The following VWA3B variants were observed in gnomAD, a reference collection of about 807,000 sequenced individuals.
VWA3B encodes von Willebrand factor A domain containing 3B, also known as von Willebrand factor A domain-containing protein 3B.
In VWA3B, 138 loss-of-function variants were observed where a neutral mutation model predicts 158.3. The observed-to-expected ratio is 0.87, with a 90% CI of 0.76 to 1.00. The LOEUF (loss-of-function observed/expected upper bound fraction) is 1.00, where lower values mean the gene tolerates loss of function less well. VWA3B is among the 50% of genes least tolerant of loss of function. The probability of loss-of-function intolerance (pLI) is 0.00; values close to 1 mark genes in which losing one functional copy is unlikely to be tolerated. For synonymous variants in VWA3B, 596 were observed against 587.3 expected (o/e 1.01, Z -0.21); for missense variants, 1,555 against 1,565.1 (o/e 0.99, Z 0.11).
intron 7 of VWA3B, among the ~76,000 whole-genome samples, chr2:98,149,790 C>T (rs1474407414): frequency 6.6e-6 from 1 of 152,156 alleles, no homozygotes; most frequent in Non-Finnish European, 1.5e-5. Context: ...TCCCCCGCCT[C>T]ATTATCAATT....
chr2:98,213,055 G>A (rs1683672372), intron 13 of VWA3B, among the ~76,000 whole-genome samples: 1 of 152,188 alleles, frequency 6.6e-6, no homozygotes, highest in Non-Finnish European at 1.5e-5. Context: ...CAGATGGAGG[G>A]AAGGTCAGGG....
At chr2:98,303,533 A>T (rs1033633159) in intron 25 of VWA3B, among the ~76,000 whole-genome samples, 169 bp from the exon 26 acceptor site, 4 of 152,100 alleles carry the variant, frequency 2.6e-5, no homozygotes, top group African/African-American at 9.7e-5. Context: ...ACTTTTATTC[A>T]GCAAATAATT....
intron 21 of VWA3B, among the ~76,000 whole-genome samples, chr2:98,267,469 T>C (rs1300112823): frequency 6.6e-6 from 1 of 151,870 alleles, no homozygotes; most frequent in African/African-American, 2.4e-5. Flanking sequence ...AAGGCAGAAA[T>C]AAAGATGTTC....
At position 98,236,780 on chromosome 2, in the gene VWA3B, C is replaced by T; in HGVS notation, c.2673+50C>T. The T allele has an allele frequency of 2.6e-6, 4 of 1,559,036 alleles. No homozygotes were observed. The Middle Eastern group carries it at 5.2e-4, about 201-fold the overall frequency. On this transcript the variant is annotated intron_variant, in intron 19 of 27. Coordinates refer to ENST00000477737, the MANE Select transcript of VWA3B (RefSeq NM_144992.5). ...TACTTGAGGCCATTTTCATTTTCTG[C>T]TCAAATAAAAAGTAGTCCAATTTCT...
chr2:98,188,854 T>C (rs749162135), intron 10 of VWA3B, among the ~76,000 whole-genome samples: 3 of 152,186 alleles, frequency 2.0e-5, no homozygotes, highest in Non-Finnish European at 2.9e-5. Context: ...TTGATGCCAG[T>C]GCAGTTTATT....
chr2:98,124,706 G>A (rs991172008), intron 5 of VWA3B, among the ~76,000 whole-genome samples: 2 of 152,218 alleles, frequency 1.3e-5, no homozygotes, highest in African/African-American at 2.4e-5. Context: ...TCTTTGAAGA[G>A]TGAAGATTTT....
At chr2:98,242,243 G>C (rs758368798) in intron 19 of VWA3B, 2 of 456,150 alleles carry the variant, frequency 4.4e-6, no homozygotes, top group South Asian at 3.1e-5. Context: ...ACACAATGCT[G>C]TTTTGGTTTT....
intron 21 of VWA3B, 43 bp from the exon 22 acceptor site, chr2:98,270,639 T>C (rs1384317173): frequency 6.3e-7 from 1 of 1,575,746 alleles, no homozygotes; most frequent in Non-Finnish European, 8.6e-7. Flanking sequence ...TCTTTGCTTT[T>C]TGTTTCTTCC....
chr2:98,123,090 G>A (rs1368352238), intron 5 of VWA3B, among the ~76,000 whole-genome samples: 1 of 152,194 alleles, frequency 6.6e-6, no homozygotes, highest in Non-Finnish European at 1.5e-5. Flanking sequence ...ACATGTGTGT[G>A]TGGCAGGGGG....
chr2:98,177,034 T>C (rs922465733), intron 8 of VWA3B, among the ~76,000 whole-genome samples: 3 of 152,200 alleles, frequency 2.0e-5, no homozygotes, highest in Admixed American at 1.3e-4. Flanking sequence ...AGAGTTATGG[T>C]GGTGAGAAAT....
At chr2:98,267,883 A>G (rs1178034851) in intron 21 of VWA3B, among the ~76,000 whole-genome samples, 3 of 152,196 alleles carry the variant, frequency 2.0e-5, no homozygotes, top group African/African-American at 7.2e-5. Context: ...ACAGAAATAC[A>G]AACTACCATC....
chr2:98,211,166 C>G (rs1308817703), intron 12 of VWA3B, among the ~76,000 whole-genome samples: 1 of 152,184 alleles, frequency 6.6e-6, no homozygotes, highest in Non-Finnish European at 1.5e-5. Flanking sequence ...TGTCCTTTAT[C>G]ATAAATTCCT....
At chr2:98,184,159 T>C (rs928144843) in intron 9 of VWA3B, among the ~76,000 whole-genome samples, 9 of 152,202 alleles carry the variant, frequency 5.9e-5, no homozygotes, top group Non-Finnish European at 1.2e-4. Flanking sequence ...CGCTGCTGCC[T>C]GACACAGAAC....
intron 2 of VWA3B, among the ~76,000 whole-genome samples, chr2:98,104,744 CCTT>C (rs767292778): frequency 1.1e-4 from 16 of 152,088 alleles, no homozygotes; most frequent in Admixed American, 9.8e-4. Context: ...CTCCTTTTGG[CCTT>C]CTTTTGTGCT....
the VWA3B span, among the ~76,000 whole-genome samples, chr2:98,318,625 C>T: frequency 6.6e-6 from 1 of 152,096 alleles, no homozygotes; most frequent in Non-Finnish European, 1.5e-5. Context: ...CTAATGGATA[C>T]TAAACTTAAT....
At chr2:98,093,464 G>T (rs1037675837) in intron 2 of VWA3B, among the ~76,000 whole-genome samples, 176 bp downstream of exon 2, 1 of 152,078 alleles carries the variant, frequency 6.6e-6, no homozygotes, top group Non-Finnish European at 1.5e-5. Context: ...TTAAGTAGAC[G>T]TACAATTGTC....
intron 22 of VWA3B, among the ~76,000 whole-genome samples, chr2:98,288,341 A>G (rs192913326): frequency 8.5e-5 from 13 of 152,302 alleles, no homozygotes; most frequent in Admixed American, 7.8e-4. Context: ...AGTAGTTTCC[A>G]TGTCAGTTCA....
chr2:98,234,630 C>T lies in VWA3B; in HGVS notation c.2309-18C>T. On this transcript the variant is annotated intron_variant, in intron 16 of 27. Coordinates refer to ENST00000477737, the MANE Select transcript of VWA3B (RefSeq NM_144992.5). Reference sequence around the variant, plus strand: ...CCATCCCCAATTCCTTTAACTCTTCCCTCTGTGATACCAACAGAATCAACC... The same window carrying T: ...CCATCCCCAATTCCTTTAACTCTTCTCTCTGTGATACCAACAGAATCAACC... 2 of 1,614,052 alleles carry T rather than the reference C, an allele frequency of 1.2e-6. No individual in the cohort carries two copies. Among genetic ancestry groups the T allele is most frequent in the Non-Finnish European group, 1.7e-6 (2 of 1,179,978 alleles).
At chr2:98,206,632 G>T (rs1308317327) in intron 12 of VWA3B, 1 of 385,028 alleles carries the variant, frequency 2.6e-6, no homozygotes. Flanking sequence ...AAATGAAACA[G>T]TTTGCTCCCA....
Sources: gnomAD v4.1 joint callset for allele counts (sites outside exome capture counted in the v4.1 genomes callset) on GRCh38, gnomAD v4.1.1 for gene constraint, MANE v1.5 for transcripts, NCBI Gene and HGNC (gene_info 2026-07-23, HGNC 2026-07-21) for gene names.